The following FARP1 variants were observed in gnomAD, a reference collection of about 807,000 sequenced individuals.
The protein encoded by FARP1 is FERM, ARHGEF and pleckstrin domain-containing protein 1.
FARP1 carries 52 observed loss-of-function variants against 128.8 expected under a neutral mutation model. The ratio of observed to expected loss-of-function variants is 0.40; its 90% CI spans 0.32 to 0.51. The LOEUF is 0.51. FARP1 is among the 20% of genes least tolerant of loss of function. The pLI is 0.45. For synonymous variants in FARP1, 580 were observed against 551.8 expected (o/e 1.05, Z -0.72); for missense variants, 1,333 against 1,367.9 (o/e 0.97, Z 0.40).
intron 16 of FARP1, among the ~76,000 whole-genome samples, chr13:98,417,961 C>T (rs1001825019): frequency 1.3e-5 from 2 of 152,360 alleles, no homozygotes; most frequent in African/African-American, 4.8e-5. Context: ...GCTTTATCCA[C>T]AGTAGCCAAA....
chr13:98,368,214 G>C lies in FARP1; in HGVS notation c.398+19G>C, dbSNP rs368560291. ...TCACAAGGTTAGTGGTTTGGAAACT[G>C]TGTATTTTTTGCTACAGAGTACAGA... On this transcript the variant is annotated intron_variant, in intron 5 of 26. Coordinates refer to ENST00000319562, the MANE Select transcript of FARP1 (RefSeq NM_005766.4). The C allele has an allele frequency of 9.4e-6, 15 of 1,591,546 alleles. No individual in the cohort carries two copies. Among genetic ancestry groups the C allele is most frequent in the Non-Finnish European group, 1.1e-5 (13 of 1,160,698 alleles).
chr13:98,369,082 C>T (rs1352481279), intron 5 of FARP1, among the ~76,000 whole-genome samples: 7 of 152,086 alleles, frequency 4.6e-5, no homozygotes, highest in Admixed American at 2.0e-4. Flanking sequence ...CCCACCACCA[C>T]ACCCAGCTAA....
chr13:98,240,006 G>C (rs374917406), intron 2 of FARP1, among the ~76,000 whole-genome samples: 1 of 152,286 alleles, frequency 6.6e-6, no homozygotes, highest in East Asian at 1.9e-4. Context: ...GGTGATATCC[G>C]TGGTGATCCC....
chr13:98,273,198 G>T (rs1884467667), intron 2 of FARP1, among the ~76,000 whole-genome samples: 1 of 152,146 alleles, frequency 6.6e-6, no homozygotes, highest in Non-Finnish European at 1.5e-5. Flanking sequence ...ATGTGTCATT[G>T]GTTAAAAGAG....
At chr13:98,234,389 A>G (rs1484810578) in intron 2 of FARP1, 1 of 152,250 alleles carries the variant, frequency 6.6e-6, no homozygotes, top group East Asian at 1.9e-4. Flanking sequence ...CATTAATAAT[A>G]TTCTGACTTT....
rs201529177 is a variant in FARP1 at position 98,439,983 on chromosome 13, G to T, written c.2456G>T (p.Trp819Leu). 2 of 1,586,564 alleles carry T rather than the reference G, an allele frequency of 1.3e-6. No individual in the cohort carries two copies. Among genetic ancestry groups the T allele is most frequent in the African/African-American group, 1.3e-5 (1 of 74,302 alleles). The change falls in exon 22 of 27, where the codon TGG becomes TTG. Residue 819 changes from tryptophan to leucine, a missense_variant. Physicochemically the swap from Trp to Leu is moderately conservative, Grantham distance 61. Around this residue, in one of 2 missense-constraint regions of FARP1, gnomAD observed 1,009 missense variants for 969.8 expected, o/e 1.04. Coordinates refer to ENST00000319562, the MANE Select transcript of FARP1 (RefSeq NM_005766.4). ...GMTIEESEDE[W>L]GVPHCLTLRG... ...CAGATTGAGGAGAGCGAAGACGAGT[G>T]GGGGGTGCCCCACTGCCTGACCCTC...
At chr13:98,171,851 C>T (rs569296971) in intron 1 of FARP1, among the ~76,000 whole-genome samples, 3 of 152,218 alleles carry the variant, frequency 2.0e-5, no homozygotes, top group African/African-American at 7.2e-5. Context: ...TTTGAGTTGA[C>T]CATTCAGACT....
intron 2 of FARP1, among the ~76,000 whole-genome samples, chr13:98,269,975 C>G (rs1884311923): frequency 6.6e-6 from 1 of 152,122 alleles, no homozygotes; most frequent in African/African-American, 2.4e-5. Context: ...CTTGGTAGTG[C>G]ACGCCTGTAG....
chr13:98,405,177 C>A (rs1240574926), intron 13 of FARP1: 2 of 152,178 alleles, frequency 1.3e-5, no homozygotes, highest in African/African-American at 4.8e-5. Context: ...ATAAAGTCTC[C>A]TCCCACTGCC....
At chr13:98,317,200 A>AAGG (rs1228425073) in intron 2 of FARP1, among the ~76,000 whole-genome samples, 1 of 152,152 alleles carries the variant, frequency 6.6e-6, no homozygotes, top group African/African-American at 2.4e-5. Context: ...AGAGAGAGAG[A>AAGG]AGGGAGAGCA....
intron 9 of FARP1, among the ~76,000 whole-genome samples, chr13:98,388,926 T>A (rs1270590146): frequency 6.6e-6 from 1 of 152,220 alleles, no homozygotes; most frequent in Non-Finnish European, 1.5e-5. Flanking sequence ...TTAGGTTCCC[T>A]TCCCCACTTA....
At chr13:98,177,651 T>TAA (rs1176501875) in intron 1 of FARP1, among the ~76,000 whole-genome samples, 1 of 111,972 alleles carries the variant, frequency 8.9e-6, no homozygotes, top group Non-Finnish European at 2.0e-5. Context: ...TGTCTCAAAT[T>TAA]AAAAAAAAAA....
chr13:98,276,953 A>G (rs1261703863), intron 2 of FARP1, among the ~76,000 whole-genome samples: 2 of 152,218 alleles, frequency 1.3e-5, no homozygotes, highest in African/African-American at 4.8e-5. Flanking sequence ...CTGTTCTTAA[A>G]GATTGCTTGA....
chr13:98,342,219 G>A (rs1319643045), intron 2 of FARP1, among the ~76,000 whole-genome samples: 1 of 152,096 alleles, frequency 6.6e-6, no homozygotes, highest in African/African-American at 2.4e-5. Flanking sequence ...ACAGGGACAG[G>A]GCTTTGACTG....
chr13:98,297,820 A>G (rs1885765018), intron 2 of FARP1, among the ~76,000 whole-genome samples: 1 of 152,124 alleles, frequency 6.6e-6, no homozygotes, highest in Non-Finnish European at 1.5e-5. Context: ...GTGCTGTTTT[A>G]TGTTACTTTG....
Position 98,409,442 on chromosome 13 carries a change from A to G in FARP1, c.1519A>G (p.Lys507Glu), listed in dbSNP as rs779837681. 6.2e-7 allele frequency: 1 copy of G among 1,613,944 alleles called. No individual in the cohort carries two copies. The highest frequency in any genetic ancestry group is 8.5e-7 in the Non-Finnish European group (1 of 1,179,982). The change falls in exon 14 of 27, where the codon AAG becomes GAG. Residue 507 changes from lysine to glutamate, a missense_variant. Around this residue, in one of 2 missense-constraint regions of FARP1, gnomAD observed 1,009 missense variants for 969.8 expected, o/e 1.04. Coordinates refer to ENST00000319562, the MANE Select transcript of FARP1 (RefSeq NM_005766.4). ...GTCTCCCAACCTGAGCCCCGACACC[A>G]AGCAGGCCTCTCCCTTGATCAGCCC... ...TLSPNLSPDT[K>E]QASPLISPLL...
At chr13:98,368,079 T>A in intron 4 of FARP1, 38 bp from the exon 5 acceptor site, 2 of 1,496,060 alleles carry the variant, frequency 1.3e-6, no homozygotes, top group Non-Finnish European at 1.9e-6. Flanking sequence ...GAAACACAAA[T>A]CAGTAAATGC....
intron 2 of FARP1, among the ~76,000 whole-genome samples, chr13:98,282,634 G>A (rs573750371): frequency 2.6e-5 from 4 of 152,352 alleles, no homozygotes; most frequent in African/African-American, 4.8e-5. Context: ...GCCAGGCGCC[G>A]TGGCTCACAC....
At position 98,411,569 on chromosome 13, in the gene FARP1, G is replaced by A. The variant is rs540771992; in HGVS notation, c.1693-332G>A. ...GGAATGAAGCACAGAATATTCAGTG[G>A]TCATAAATTAGTGGTTATCCAGTGA... is the stretch of plus-strand genomic sequence containing the variant. On this transcript the variant is annotated intron_variant, in intron 15 of 26. Transcript: ENST00000319562. Among the ~76,000 whole-genome samples, 12 of 152,296 alleles carry A rather than the reference G, an allele frequency of 7.9e-5. No homozygotes were observed. The South Asian group carries it at 2.5e-3, about 32-fold the overall frequency.
Sources: gnomAD v4.1 joint callset for allele counts (sites outside exome capture counted in the v4.1 genomes callset) on GRCh38, gnomAD v4.1.1 for gene constraint, gnomAD v4.1.1 regional missense constraint, MANE v1.5 for transcripts, NCBI Gene and HGNC (gene_info 2026-07-23, HGNC 2026-07-21) for gene names.